The following PTPRM variants were observed in gnomAD, a reference collection of about 807,000 sequenced individuals.
The protein encoded by PTPRM is protein tyrosine phosphatase receptor type M.
A neutral mutation model predicts 186.7 loss-of-function variants in PTPRM; 47 were observed. The ratio of observed to expected loss-of-function variants is 0.25; its 90% CI spans 0.20 to 0.32. PTPRM has a LOEUF of 0.32. Ranked by LOEUF, PTPRM falls within the 10% of genes least tolerant of loss-of-function variation. The pLI is 1.00. For synonymous variants in PTPRM, 668 were observed against 674.9 expected (o/e 0.99, Z 0.16); for missense variants, 1,494 against 1,865.0 (o/e 0.80, Z 3.66).
chr18:8,212,744 C>T (rs1017307684), intron 14 of PTPRM, among the ~76,000 whole-genome samples: 2 of 152,170 alleles, frequency 1.3e-5, no homozygotes, highest in Non-Finnish European at 2.9e-5. Context: ...GATTTCAAGG[C>T]TTCAGTGAGC....
At chr18:8,318,708 A>G (rs1175152975) in intron 21 of PTPRM, among the ~76,000 whole-genome samples, 1 of 152,240 alleles carries the variant, frequency 6.6e-6, no homozygotes, top group Non-Finnish European at 1.5e-5. Context: ...TTGCTACAGT[A>G]GCATGTCATG....
intron 4 of PTPRM, among the ~76,000 whole-genome samples, chr18:7,911,410 T>C (rs74835697): frequency 0.11 from 16,718 of 152,254 alleles, 1,052 homozygotes; most frequent in African/African-American, 0.17. Flanking sequence ...ATTTATGTCT[T>C]TAAAAAAATC....
chr18:7,917,463 G>T (rs1389390989), intron 4 of PTPRM, among the ~76,000 whole-genome samples: 1 of 152,182 alleles, frequency 6.6e-6, no homozygotes, highest in East Asian at 1.9e-4. Flanking sequence ...GTGAACCTGG[G>T]AGGCGGAGGT....
intron 7 of PTPRM, among the ~76,000 whole-genome samples, chr18:8,060,293 G>A (rs2088379000): frequency 8.7e-6 from 1 of 115,596 alleles, no homozygotes; most frequent in African/African-American, 3.0e-5. Context: ...TGTGGGATTG[G>A]TGGTGATATC....
chr18:8,022,956 C>T (rs543360228), intron 7 of PTPRM, among the ~76,000 whole-genome samples: 1 of 152,326 alleles, frequency 6.6e-6, no homozygotes, highest in South Asian at 2.1e-4. Flanking sequence ...AAGGACACCT[C>T]AGCCCCAGGA....
intron 1 of PTPRM, among the ~76,000 whole-genome samples, chr18:7,730,352 C>T (rs1053306817): frequency 6.6e-6 from 1 of 152,122 alleles, no homozygotes; most frequent in Non-Finnish European, 1.5e-5. Flanking sequence ...TTCTATGTTA[C>T]CCCTAAGGAT....
intron 23 of PTPRM, among the ~76,000 whole-genome samples, chr18:8,344,632 A>C (rs184040094): frequency 6.6e-6 from 1 of 151,978 alleles, no homozygotes; most frequent in Non-Finnish European, 1.5e-5. Context: ...TAATAAAGAC[A>C]GCTACTACAG....
intron 15 of PTPRM, among the ~76,000 whole-genome samples, chr18:8,247,069 T>A (rs1019956744): frequency 9.3e-5 from 14 of 151,346 alleles, no homozygotes; most frequent in African/African-American, 3.4e-4. Context: ...GAAATTAAAC[T>A]GTTTTAAAAA....
At chr18:7,977,255 A>T (rs2055015728) in intron 7 of PTPRM, among the ~76,000 whole-genome samples, 1 of 151,932 alleles carries the variant, frequency 6.6e-6, no homozygotes, top group South Asian at 2.1e-4. Context: ...ACGCCCAGCT[A>T]ATTTTTGTAT....
chr18:8,009,805 G>A (rs1232280144), intron 7 of PTPRM, among the ~76,000 whole-genome samples: 1 of 152,092 alleles, frequency 6.6e-6, no homozygotes, highest in Non-Finnish European at 1.5e-5. Flanking sequence ...ATAATATCTA[G>A]TGTACCTTCC....
chr18:7,813,728 C>A (rs1230256687), intron 2 of PTPRM, among the ~76,000 whole-genome samples: 1 of 151,450 alleles, frequency 6.6e-6, no homozygotes, highest in Non-Finnish European at 1.5e-5. Context: ...TAAGTTCTTG[C>A]TTGTCTTAAC....
At chr18:7,920,695 A>G (rs542783870) in intron 4 of PTPRM, among the ~76,000 whole-genome samples, 1 of 152,218 alleles carries the variant, frequency 6.6e-6, no homozygotes, top group East Asian at 1.9e-4. Context: ...CGTGGGTTTT[A>G]TATACTTTTA....
Position 8,082,055 on chromosome 18 carries a change from G to C in PTPRM, c.1552-3616G>C, listed in dbSNP as rs528920237. Among the ~76,000 whole-genome samples the C allele has an allele frequency of 8.5e-4, 130 of 152,180 alleles. 1 individual carries two copies. The highest frequency in any genetic ancestry group is 1.5e-3 in the South Asian group (7 of 4,824). ...AGCGTTTGCTTGATAGTCTCTGTGG[G>C]TGGAGCAAAGATCCCACTTGTCTTG... On this transcript the variant is annotated intron_variant, in intron 9 of 32. Transcript: ENST00000580170.
At chr18:7,674,322 A>G (rs566888460) in intron 1 of PTPRM, among the ~76,000 whole-genome samples, 1 of 152,328 alleles carries the variant, frequency 6.6e-6, no homozygotes, top group East Asian at 1.9e-4. Context: ...CAAAGCTTCA[A>G]GAGTTGGGTT....
At chr18:8,257,258 A>G (rs8094332) in intron 19 of PTPRM, among the ~76,000 whole-genome samples, 20,442 of 152,180 alleles carry the variant, frequency 0.13, 1,381 homozygotes, top group Middle Eastern at 0.24. Flanking sequence ...GGGTTCTCTG[A>G]GGAAATGGCA....
At chr18:7,750,379 T>C (rs1392666619) in intron 1 of PTPRM, among the ~76,000 whole-genome samples, 1 of 152,226 alleles carries the variant, frequency 6.6e-6, no homozygotes, top group East Asian at 1.9e-4. Context: ...CTTTGTAGAA[T>C]TAACCCTTTA....
Position 7,876,334 on chromosome 18 carries a change from G to A in PTPRM, c.197-11772G>A, listed in dbSNP as rs546929293. 3.9e-5 allele frequency among the ~76,000 whole-genome samples: 6 copies of A among 152,020 alleles called. No homozygotes were observed. The East Asian group carries it at 9.7e-4, about 25-fold the overall frequency. On this transcript the variant is annotated intron_variant, in intron 2 of 32. Transcript: ENST00000580170. ...ATGATATAACATGATCCAAAATTCA[G>A]GTCATTTAGATATTGTTTGCTCTTT...
intron 14 of PTPRM, among the ~76,000 whole-genome samples, chr18:8,207,943 A>T (rs1362631653): frequency 6.6e-6 from 1 of 152,212 alleles, no homozygotes; most frequent in Non-Finnish European, 1.5e-5. Context: ...GGCAGTTTGA[A>T]AGAAATATAT....
Position 8,392,447 on chromosome 18 carries a change from AC to A in PTPRM, c.4209-2025del, listed in dbSNP as rs2095819739. On this transcript the variant is annotated intron_variant, in intron 31 of 32. Transcript: ENST00000580170. Reference sequence around the variant, plus strand: ...AGACTATCCTGGCTAACACGGTGAAACCCCATCTCTACTAAAAAAATACAAA... The same window carrying A: ...AGACTATCCTGGCTAACACGGTGAAACCCATCTCTACTAAAAAAATACAAA... Among the ~76,000 whole-genome samples, 5 of 152,108 alleles carry A rather than the reference AC, an allele frequency of 3.3e-5. No individual in the cohort carries two copies. The South Asian group carries it at 1.0e-3, about 32-fold the overall frequency.
Sources: allele counts gnomAD v4.1 joint callset (sites outside exome capture counted in the v4.1 genomes callset), GRCh38; gene constraint gnomAD v4.1.1; transcripts MANE v1.5; gene names NCBI Gene and HGNC (gene_info 2026-07-23, HGNC 2026-07-21).